The following TTC39B variants were observed in gnomAD, a reference collection of about 807,000 sequenced individuals.
TTC39B encodes tetratricopeptide repeat protein 39B.
TTC39B carries 92 observed loss-of-function variants against 96.6 expected under a neutral mutation model. The ratio of observed to expected loss-of-function variants is 0.95; its 90% CI spans 0.80 to 1.13. The LOEUF is 1.13. Among genes scored for constraint, TTC39B ranks in the 50% most tolerant of loss-of-function variants. TTC39B has a pLI of 0.00. For synonymous variants in TTC39B, 367 were observed against 299.4 expected (o/e 1.23, Z -2.33); for missense variants, 955 against 809.3 (o/e 1.18, Z -2.18).
At chr9:15,189,929 C>A in intron 11 of TTC39B, 137 bp from the exon 12 acceptor site, 1 of 651,978 alleles carries the variant, frequency 1.5e-6, no homozygotes, top group Admixed American at 2.6e-5. Flanking sequence ...ATTTTTATAT[C>A]TGGGGAATAA....
At position 15,193,046 on chromosome 9, in the gene TTC39B, C is replaced by T. The variant is rs1359114470; in HGVS notation, c.825-351G>A. Among the ~76,000 whole-genome samples the T allele has an allele frequency of 3.6e-4, 55 of 152,218 alleles. 1 individual carries two copies. Among genetic ancestry groups the T allele is most frequent in the African/African-American group, 2.4e-5 (1 of 41,456 alleles). On this transcript the variant is annotated intron_variant, in intron 8 of 19. Coordinates refer to ENST00000512701, the Ensembl canonical transcript of TTC39B. ...ACTCCCTGCAAGCGCTCAGCTCCTC[C>T]ACCACTGCACACACTGCAGCAACCT... is the stretch of plus-strand genomic sequence containing the variant.
intron 18 of TTC39B, 34 bp downstream of exon 18, chr9:15,177,663 T>G (rs1247279203): frequency 6.9e-7 from 1 of 1,448,796 alleles, no homozygotes; most frequent in Admixed American, 1.9e-5. Flanking sequence ...AAACCACAAT[T>G]TGCACTTGGG....
intron 2 of TTC39B, among the ~76,000 whole-genome samples, chr9:15,251,669 AC>A (rs1724368151): frequency 2.1e-5 from 1 of 47,666 alleles, no homozygotes; most frequent in African/African-American, 1.1e-4. Context: ...ATACGCGCAT[AC>A]ACACACACAC....
chr9:15,201,304 C>G (rs1280857017), intron 7 of TTC39B, among the ~76,000 whole-genome samples: 1 of 149,446 alleles, frequency 6.7e-6, no homozygotes, highest in Non-Finnish European at 1.5e-5. Context: ...ATTCATCAAA[C>G]TTAAACTTAA....
At chr9:15,231,533 T>G (rs2131427129) in intron 2 of TTC39B, among the ~76,000 whole-genome samples, 1 of 152,358 alleles carries the variant, frequency 6.6e-6, no homozygotes, top group Non-Finnish European at 1.5e-5. Flanking sequence ...ATTTTCCCAT[T>G]TTTAATTGAG....
Position 15,223,255 on chromosome 9 carries a change from G to C in TTC39B, c.371+2662C>G, listed in dbSNP as rs114168433. Among the ~76,000 whole-genome samples the C allele has an allele frequency of 2.2e-3, 338 of 152,270 alleles. 2 individuals carry two copies. The highest frequency in any genetic ancestry group is 7.8e-3 in the African/African-American group (323 of 41,546). ...GGAGGGAGAATCGCAAGAAACCATG[G>C]TTGTCAAAACACTCTGTAAGACTAA... On this transcript the variant is annotated intron_variant, in intron 3 of 19. Coordinates refer to ENST00000512701, the Ensembl canonical transcript of TTC39B.
intron 2 of TTC39B, among the ~76,000 whole-genome samples, chr9:15,255,399 G>T (rs1465183260): frequency 6.6e-6 from 1 of 152,064 alleles, no homozygotes; most frequent in Non-Finnish European, 1.5e-5. Context: ...ACAAAAGGGG[G>T]AAAGAGGGAA....
At chr9:15,173,461 C>T (rs535129443) in intron 19 of TTC39B, among the ~76,000 whole-genome samples, 1 of 152,288 alleles carries the variant, frequency 6.6e-6, no homozygotes, top group East Asian at 1.9e-4. Context: ...ACCAATGATA[C>T]TCATGCTGCC....
chr9:15,281,638 A>AT, intron 1 of TTC39B, among the ~76,000 whole-genome samples: 1 of 147,978 alleles, frequency 6.8e-6, no homozygotes, highest in South Asian at 2.1e-4. Flanking sequence ...AAAAAAAAAA[A>AT]AAAAAAAAAA....
intron 2 of TTC39B, chr9:15,249,829 T>A: frequency 9.7e-7 from 1 of 1,034,626 alleles, no homozygotes; most frequent in Non-Finnish European, 1.2e-6. Context: ...AAAATTTACA[T>A]AGCCTTCCTT....
chr9:15,206,947 G>C (rs1358674047), intron 6 of TTC39B, among the ~76,000 whole-genome samples: 6 of 152,062 alleles, frequency 3.9e-5, no homozygotes, highest in African/African-American at 1.4e-4. Context: ...CATGGGGGTG[G>C]TTTCTCCCAT....
chr9:15,204,218 T>A (rs1819710524), intron 6 of TTC39B, among the ~76,000 whole-genome samples: 1 of 152,206 alleles, frequency 6.6e-6, no homozygotes, highest in African/African-American at 2.4e-5. Flanking sequence ...ACCACTTATT[T>A]TTTAACTTAA....
chr9:15,292,541 G>C (rs1041101645), intron 1 of TTC39B, among the ~76,000 whole-genome samples: 9 of 152,114 alleles, frequency 5.9e-5, no homozygotes, highest in Non-Finnish European at 5.9e-5. Context: ...AAAAAAAGAA[G>C]AGTTAACTCT....
exon 11 of TTC39B, chr9:15,190,570 G>A (rs1452945238): frequency 1.5e-5 from 24 of 1,613,688 alleles, no homozygotes; most frequent in Non-Finnish European, 2.0e-5. Context: ...TTAGGGAGAT[G>A]TAAGTATGAA....
At chr9:15,202,732 CA>C (rs1174910569) in intron 7 of TTC39B, among the ~76,000 whole-genome samples, 5,581 of 130,032 alleles carry the variant, frequency 0.043, 170 homozygotes, top group African/African-American at 0.095. Context: ...CCTCCCCCAC[CA>C]AAAAAAAAAA....
exon 20 of TTC39B, chr9:15,167,019 TATATATATA>T (rs1174140696): frequency 1.1e-3 from 11 of 9,960 alleles, no homozygotes; most frequent in Middle Eastern, 0.021. Context: ...TATATATATA[TATATATATA>T]TTTTTTTTTT....
At chr9:15,205,351 T>C (rs1586868089) in intron 6 of TTC39B, among the ~76,000 whole-genome samples, 1 of 152,328 alleles carries the variant, frequency 6.6e-6, no homozygotes, top group African/African-American at 2.4e-5. Flanking sequence ...TAGACTTAGA[T>C]GACAACAAGT....
chr9:15,169,665 A>G (rs747104499), exon 20 of TTC39B: 2 of 152,224 alleles, frequency 1.3e-5, no homozygotes, highest in Non-Finnish European at 1.5e-5. Context: ...AAACATAAAT[A>G]TTTGTAGCAT....
rs57377787 is a variant in TTC39B, at chr9:15,254,798, C to T, written c.275+13116G>A. On this transcript the variant is annotated intron_variant, in intron 2 of 19. Coordinates refer to ENST00000512701, the Ensembl canonical transcript of TTC39B. The stretch of plus-strand genomic sequence containing the variant: ...TTTAAATGGCAAAGAATCCCTTAAG[C>T]CAATGGGAGATCTGACACACATAAC... Among the ~76,000 whole-genome samples the T allele has an allele frequency of 7.7e-3, 1,158 of 150,566 alleles. 20 individuals are homozygous for T. The highest frequency in any genetic ancestry group is 0.026 in the African/African-American group (1,090 of 41,148).
Sources: allele counts gnomAD v4.1 joint callset (sites outside exome capture counted in the v4.1 genomes callset), GRCh38; gene constraint gnomAD v4.1.1; transcripts MANE v1.5; gene names NCBI Gene and HGNC (gene_info 2026-07-23, HGNC 2026-07-21).